Variants in PXN observed in about 807,000 individuals in gnomAD.
PXN encodes the protein testicular tissue protein Li 134.
A neutral mutation model predicts 103.6 loss-of-function variants in PXN; 61 were observed. That is an observed-to-expected ratio of 0.59 (90% CI 0.48 to 0.73). The LOEUF (loss-of-function observed/expected upper bound fraction) is 0.73, where lower values mean the gene tolerates loss of function less well. PXN is among the 30% of genes least tolerant of loss of function. PXN has a pLI of 0.00. For missense variants in PXN, 1,274 were observed against 1,460.3 expected (o/e 0.87, Z 2.08); for synonymous variants, 562 against 607.8 (o/e 0.92, Z 1.11).
At chr12:120,251,684 G>A (rs867400693) in intron 1 of PXN, among the ~76,000 whole-genome samples, 20 of 152,100 alleles carry the variant, frequency 1.3e-4, no homozygotes, top group Admixed American at 3.3e-4. Flanking sequence ...GGGCGTGGTC[G>A]TGGGCGCCTG....
chr12:120,237,984 A>G (rs1464282108), intron 1 of PXN, among the ~76,000 whole-genome samples: 1 of 152,176 alleles, frequency 6.6e-6, no homozygotes, highest in Non-Finnish European at 1.5e-5. Flanking sequence ...TGAGCTACAA[A>G]GGAGGAATGC....
chr12:120,223,266 A>G (rs1885769462), intron 3 of PXN, among the ~76,000 whole-genome samples: 1 of 151,628 alleles, frequency 6.6e-6, no homozygotes, highest in Admixed American at 6.6e-5. Flanking sequence ...ACACGGTGAA[A>G]CCCCGTCTCT....
At position 120,222,045 on chromosome 12, in the gene PXN, G is replaced by A. The variant is rs1885317042; in HGVS notation, c.696-287C>T. On this transcript the variant is annotated intron_variant, in intron 5 of 14. Coordinates refer to ENST00000637617, the MANE Select transcript of PXN (RefSeq NM_001385981.1). This position sits in a 1 kb window ranked among gnomAD's most constrained non-coding sequence, Gnocchi z 4.7. ...TTTCCTCCACAACACTGGACATGGAGGTGAGGCTACTGCAGTAACACGACG... is the reference window on the plus strand; with the variant it reads ...TTTCCTCCACAACACTGGACATGGAAGTGAGGCTACTGCAGTAACACGACG... Among the ~76,000 whole-genome samples, 1 of 152,222 alleles carries A rather than the reference G, an allele frequency of 6.6e-6. No individual in the cohort carries two copies. Among genetic ancestry groups the A allele is most frequent in the South Asian group, 2.1e-4 (1 of 4,836 alleles).
chr12:120,247,582 CA>C, intron 1 of PXN: 1 of 164,684 alleles, frequency 6.1e-6, no homozygotes, highest in Non-Finnish European at 1.4e-5. Flanking sequence ...AAAAGAATCT[CA>C]AAGTGAAGGA....
intron 1 of PXN, among the ~76,000 whole-genome samples, chr12:120,264,743 G>T (rs750383556): frequency 6.6e-6 from 1 of 152,198 alleles, no homozygotes; most frequent in Non-Finnish European, 1.5e-5. Context: ...TTCAGGGATG[G>T]TCATACCTTG....
Position 120,225,672 on chromosome 12 carries a change from A to T in PXN, c.14-1295T>A, listed in dbSNP as rs933596915. 6.6e-6 allele frequency among the ~76,000 whole-genome samples: 1 copy of T among 152,190 alleles called. No individual in the cohort carries two copies. Among genetic ancestry groups the T allele is most frequent in the Non-Finnish European group, 1.5e-5 (1 of 68,034 alleles). On this transcript the variant is annotated intron_variant, in intron 1 of 14. Transcript: ENST00000637617. This position sits in a 1 kb window ranked among gnomAD's most constrained non-coding sequence, Gnocchi z 4.4. The stretch of plus-strand genomic sequence containing the variant: ...CCAAAAACCTGGCCTGTAAGAGGCC[A>T]CTATGACTACCAGATGATGCCATAC...
At position 120,216,192 on chromosome 12, in the gene PXN, G is replaced by A. The variant is rs1428172357; in HGVS notation, c.2301+81C>T. 1.6e-6 allele frequency: 2 copies of A among 1,270,866 alleles called. No individual in the cohort carries two copies. The highest frequency in any genetic ancestry group is 3.1e-5 in the African/African-American group (2 of 64,660). 78.7% of individuals were successfully genotyped at this position (1,270,866 alleles called of 1,614,324 possible). On this transcript the variant is annotated intron_variant, in intron 9 of 14. Coordinates refer to ENST00000637617, the MANE Select transcript of PXN (RefSeq NM_001385981.1). The surrounding 1 kb of genome is among the most constrained non-coding windows in gnomAD (Gnocchi z 5.1). Reference sequence around the variant, plus strand: ...GGAGGGTATCTGTGTATGTGTGTGTGCACGTGTGTGTGTGCAGAGTGGGGG... The same window carrying A: ...GGAGGGTATCTGTGTATGTGTGTGTACACGTGTGTGTGTGCAGAGTGGGGG...
At chr12:120,233,318 T>C (rs983927382) in intron 1 of PXN, among the ~76,000 whole-genome samples, 1 of 152,134 alleles carries the variant, frequency 6.6e-6, no homozygotes, top group African/African-American at 2.4e-5. Context: ...AGGCCTCCTT[T>C]TTTTTTGAAA....
rs186156220 is a variant in PXN at position 120,211,488 on chromosome 12, C to T, written c.*826G>A. The stretch of plus-strand genomic sequence containing the variant: ...CCACCATCAGTGACAGGCCCAGTGG[C>T]GGTGGATGAGGAAGAGAATACAAAA... On this transcript the variant is annotated 3_prime_UTR_variant, in exon 15 of 15. Transcript: ENST00000637617. 6.3e-4 allele frequency: 106 copies of T among 168,758 alleles called. No homozygotes were observed. The highest frequency in any genetic ancestry group is 1.1e-3 in the Non-Finnish European group (86 of 76,874). The allele number at this position is 168,758 out of a possible 1,614,324, so 10.5% of individuals were successfully genotyped here.
At chr12:120,239,517 G>T (rs1408774176) in intron 1 of PXN, among the ~76,000 whole-genome samples, 1 of 152,184 alleles carries the variant, frequency 6.6e-6, no homozygotes, top group Non-Finnish European at 1.5e-5. Flanking sequence ...AGGAGGCGGA[G>T]GTTGCAGTGA....
At chr12:120,223,858 G>A in intron 2 of PXN, 25 bp from the exon 3 acceptor site, 1 of 1,521,272 alleles carries the variant, frequency 6.6e-7, no homozygotes, top group Non-Finnish European at 9.0e-7. Flanking sequence ...ATGCTCAGAG[G>A]CTACCCCGAG....
At position 120,265,511 on chromosome 12, in the gene PXN, G is replaced by C; in HGVS notation, c.13+106C>G. ...CGGCAGGGACAGGAGCTGAGGCCGG[G>C]GCCGCCGAGGGTGGGATCCCGCGGC... On this transcript the variant is annotated intron_variant, in intron 1 of 14. Coordinates refer to ENST00000637617, the MANE Select transcript of PXN (RefSeq NM_001385981.1). This position sits in a 1 kb window ranked among gnomAD's most constrained non-coding sequence, Gnocchi z 5.7. 7.6e-7 allele frequency: 1 copy of C among 1,309,240 alleles called. No individual in the cohort carries two copies. Among genetic ancestry groups the C allele is most frequent in the Non-Finnish European group, 9.9e-7 (1 of 1,005,868 alleles). The allele number at this position is 1,309,240 out of a possible 1,614,324, so 81.1% of individuals were successfully genotyped here.
chr12:120,240,923 C>T (rs1362303533), intron 1 of PXN, among the ~76,000 whole-genome samples: 1 of 152,188 alleles, frequency 6.6e-6, no homozygotes, highest in East Asian at 1.9e-4. Flanking sequence ...AGTTCAGCTC[C>T]CTAACCCTGG....
intron 3 of PXN, 126 bp from the exon 4 acceptor site, chr12:120,223,125 G>C (rs1885707094): frequency 6.7e-7 from 1 of 1,491,548 alleles, no homozygotes; most frequent in African/African-American, 1.4e-5. Context: ...CAAGAGGACA[G>C]AGGGTAGGGA....
At chr12:120,243,816 C>A (rs1654431858) in intron 1 of PXN, among the ~76,000 whole-genome samples, 1 of 152,226 alleles carries the variant, frequency 6.6e-6, no homozygotes, top group Admixed American at 6.5e-5. Flanking sequence ...CTGTGCACTT[C>A]TCCTATGAGA....
rs1038744863 is a variant in PXN, at chr12:120,216,107, C to T, written c.2301+166G>A. On this transcript the variant is annotated intron_variant, in intron 9 of 14. Coordinates refer to ENST00000637617, the MANE Select transcript of PXN (RefSeq NM_001385981.1). This position sits in a 1 kb window ranked among gnomAD's most constrained non-coding sequence, Gnocchi z 5.1. Reference sequence around the variant, plus strand: ...GCGGACCTTCTGAGTGGGGGAAGACCGGGGTCAAGGTTTACGGCAGGACTG... The same window carrying T: ...GCGGACCTTCTGAGTGGGGGAAGACTGGGGTCAAGGTTTACGGCAGGACTG... The T allele has an allele frequency of 7.0e-5, 90 of 1,284,314 alleles. No individual in the cohort carries two copies. The highest frequency in any genetic ancestry group is 4.0e-4 in the Middle Eastern group (2 of 5,008). 79.6% of individuals were successfully genotyped at this position (1,284,314 alleles called of 1,614,324 possible).
chr12:120,231,778 C>A (rs1230142666), intron 1 of PXN, among the ~76,000 whole-genome samples: 2 of 152,208 alleles, frequency 1.3e-5, no homozygotes, highest in Non-Finnish European at 2.9e-5. Flanking sequence ...GGCTGCAAGG[C>A]AACTCCAGCA....
rs1894565077 is a variant in PXN, at chr12:120,265,486, C to T, written c.13+131G>A. ...GATCCCAGCCCCGCGGAGCCCCGGC[C>T]GGCAGGGACAGGAGCTGAGGCCGGG... On this transcript the variant is annotated intron_variant, in intron 1 of 14. Coordinates refer to ENST00000637617, the MANE Select transcript of PXN (RefSeq NM_001385981.1). The surrounding 1 kb of genome is among the most constrained non-coding windows in gnomAD (Gnocchi z 5.7). 3 of 1,069,646 alleles carry T rather than the reference C, an allele frequency of 2.8e-6. No individual in the cohort carries two copies. The highest frequency in any genetic ancestry group is 3.7e-6 in the Non-Finnish European group (3 of 809,542). The allele number at this position is 1,069,646 out of a possible 1,614,324, so 66.3% of individuals were successfully genotyped here.
Position 120,215,934 on chromosome 12 carries a change from C to A in PXN, c.2302-273G>T. 7.3e-7 allele frequency: 1 copy of A among 1,374,716 alleles called. No individual in the cohort carries two copies. The highest frequency in any genetic ancestry group is 9.4e-7 in the Non-Finnish European group (1 of 1,064,710). 85.2% of individuals were successfully genotyped at this position (1,374,716 alleles called of 1,614,324 possible). ...GGCTCAGTGATGAGGCCTCACCGGG[C>A]GCTGGGCCTGGGGGCTGGAAGGGAG... On this transcript the variant is annotated intron_variant, in intron 9 of 14. Coordinates refer to ENST00000637617, the MANE Select transcript of PXN (RefSeq NM_001385981.1). This position sits in a 1 kb window ranked among gnomAD's most constrained non-coding sequence, Gnocchi z 4.9.
Sources: gnomAD v4.1 joint callset for allele counts (sites outside exome capture counted in the v4.1 genomes callset) on GRCh38, gnomAD v4.1.1 for gene constraint, Gnocchi (gnomAD v3.1) non-coding constraint, MANE v1.5 for transcripts, NCBI Gene and HGNC (gene_info 2026-07-23, HGNC 2026-07-21) for gene names.